Variants in PAM observed in about 807,000 individuals in gnomAD.
PAM encodes the protein peptidyl-glycine alpha-amidating monooxygenase.
In PAM, 72 loss-of-function variants were observed where a neutral mutation model predicts 122.1. That is an observed-to-expected ratio of 0.59 (90% CI 0.49 to 0.72). The LOEUF is 0.72. PAM is among the 30% of genes least tolerant of loss of function. The probability of loss-of-function intolerance (pLI) is 0.00; values close to 1 mark genes in which losing one functional copy is unlikely to be tolerated. For missense variants in PAM, 1,106 were observed against 1,183.7 expected, an observed-to-expected ratio of 0.93 and a Z score of 0.96; for synonymous variants, 389 against 404.4, an observed-to-expected ratio of 0.96 and a Z score of 0.46.
At position 102,924,939 on chromosome 5, in the gene PAM, A is replaced by T; in HGVS notation, c.357-18A>T. 1 of 1,242,850 alleles carries T rather than the reference A, an allele frequency of 8.0e-7. No homozygotes were observed. The highest frequency in any genetic ancestry group is 1.2e-6 in the Non-Finnish European group (1 of 840,894). 77.0% of individuals were successfully genotyped at this position (1,242,850 alleles called of 1,614,324 possible). A position where few individuals can be genotyped will look rare whatever the true frequency, so the allele number is the denominator to read the frequency against. ...CACTATTTAAATCTTCATTTATACT[A>T]CTTTTTATTTTCTTCAGGTTTTGTG... is the stretch of plus-strand genomic sequence containing the variant. On this transcript the variant is annotated intron_variant, in intron 5 of 25. Transcript: ENST00000438793.
At chr5:102,759,899 A>G (rs1438938059) in intron 1 of PAM, among the ~76,000 whole-genome samples, 1 of 152,162 alleles carries the variant, frequency 6.6e-6, no homozygotes, top group Non-Finnish European at 1.5e-5. Flanking sequence ...CAGTGGTGGA[A>G]GAAAGATAAC....
At chr5:102,979,508 T>G (rs1345197115) in intron 15 of PAM, among the ~76,000 whole-genome samples, 1 of 151,876 alleles carries the variant, frequency 6.6e-6, no homozygotes, top group Non-Finnish European at 1.5e-5. Context: ...GCACCATATT[T>G]TGTTTTTGTT....
At chr5:102,845,570 T>C (rs549830090) in intron 1 of PAM, among the ~76,000 whole-genome samples, 1 of 152,346 alleles carries the variant, frequency 6.6e-6, no homozygotes, top group Non-Finnish European at 1.5e-5. Flanking sequence ...TCCATTTTCA[T>C]TCATTTAAAT....
intron 5 of PAM, among the ~76,000 whole-genome samples, chr5:102,924,124 G>T (rs1403848906): frequency 1.3e-5 from 2 of 152,102 alleles, no homozygotes; most frequent in South Asian, 4.1e-4. Context: ...TGTCATGCAT[G>T]TATAAGATCA....
chr5:102,833,850 A>G (rs983292428), intron 1 of PAM, among the ~76,000 whole-genome samples: 8 of 152,114 alleles, frequency 5.3e-5, no homozygotes, highest in African/African-American at 1.9e-4. Flanking sequence ...GAGATCCTAC[A>G]TTGGGCTATT....
At chr5:102,970,639 G>A (rs1049640431) in intron 14 of PAM, among the ~76,000 whole-genome samples, 6 of 152,172 alleles carry the variant, frequency 3.9e-5, no homozygotes, top group Admixed American at 1.3e-4. Flanking sequence ...CAGAACAGTG[G>A]AGTAGAGAGA....
At chr5:102,797,248 T>A (rs1763606342) in intron 1 of PAM, among the ~76,000 whole-genome samples, 1 of 152,178 alleles carries the variant, frequency 6.6e-6, no homozygotes, top group South Asian at 2.1e-4. Context: ...ATTTTATGTA[T>A]CTTCTGTAAC....
rs1554134180 is a variant in PAM, at chr5:102,950,416, G to GGTGTGTGTGTGTGTGTGTGTGT, written c.802-298_802-277dup. Among the ~76,000 whole-genome samples the GGTGTGTGTGTGTGTGTGTGTGT allele has an allele frequency of 4.9e-3, 720 of 146,042 alleles. 10 individuals are homozygous for GGTGTGTGTGTGTGTGTGTGTGT. Among genetic ancestry groups the GGTGTGTGTGTGTGTGTGTGTGT allele is most frequent in the African/African-American group, 0.017 (668 of 38,990 alleles). On this transcript the variant is annotated intron_variant, in intron 11 of 25. Coordinates refer to ENST00000438793, the MANE Select transcript of PAM (RefSeq NM_001177306.2). ...CAGTGATTATTTGTGTATGTGGGTG[G>GGTGTGTGTGTGTGTGTGTGTGT]GTGTGTGTGTGTGTGTGTGTGTGTC...
chr5:102,887,555 G>A (rs1793525094), intron 3 of PAM, among the ~76,000 whole-genome samples: 2 of 152,066 alleles, frequency 1.3e-5, no homozygotes, highest in South Asian at 4.1e-4. Flanking sequence ...AGTAAAGCTT[G>A]ATTAGGCAGT....
In PAM at chr5:103,003,097, C is replaced by T. The variant is rs375869205; in HGVS notation, c.1678C>T (p.Leu560Phe). ...GLGPIEEDTI[L>F]VIDPNNAAVL... is the part of the protein sequence containing the mutation. ...CGGACCAATTGAAGAAGACACTATT[C>T]TTGTCATAGATCCAAATAATGCTGC... The change falls in exon 17 of 26, where the codon CTT becomes TTT. Residue 560 changes from leucine to phenylalanine, a missense_variant. This residue lies in a region of PAM where 670 missense variants were observed against 690.3 expected (regional missense o/e 0.97). Coordinates refer to ENST00000438793, the MANE Select transcript of PAM (RefSeq NM_001177306.2). The T allele has an allele frequency of 6.2e-7, 1 of 1,607,116 alleles. No individual in the cohort carries two copies. Among genetic ancestry groups the T allele is most frequent in the Non-Finnish European group, 8.5e-7 (1 of 1,173,792 alleles).
chr5:102,941,759 T>A (rs988456188), intron 7 of PAM, among the ~76,000 whole-genome samples: 1 of 149,110 alleles, frequency 6.7e-6, no homozygotes, highest in Admixed American at 6.8e-5. Context: ...AATTTTCTGG[T>A]TAATTTGGAT....
chr5:102,960,798 T>C (rs1762252456), intron 13 of PAM, among the ~76,000 whole-genome samples: 1 of 151,714 alleles, frequency 6.6e-6, no homozygotes, highest in African/African-American at 2.4e-5. Context: ...TCTACTATAT[T>C]TATAGAATAT....
chr5:102,948,947 A>T (rs768217654), intron 9 of PAM, among the ~76,000 whole-genome samples: 6 of 152,134 alleles, frequency 3.9e-5, no homozygotes, highest in Admixed American at 1.3e-4. Flanking sequence ...ATTATTATTT[A>T]TCAATATATT....
intron 1 of PAM, among the ~76,000 whole-genome samples, chr5:102,839,397 C>A (rs984795602): frequency 2.0e-5 from 3 of 151,784 alleles, no homozygotes; most frequent in Admixed American, 1.3e-4. Context: ...GTTGGCCAGG[C>A]GTGGTGGTAT....
At chr5:102,995,692 T>A (rs569696639) in intron 16 of PAM, among the ~76,000 whole-genome samples, 4 of 152,088 alleles carry the variant, frequency 2.6e-5, no homozygotes, top group Non-Finnish European at 5.9e-5. Flanking sequence ...TGATACCTAG[T>A]TCTTTTTTCT....
At position 103,029,028 on chromosome 5, in the gene PAM, C is replaced by T; in HGVS notation, c.2885C>T (p.Ser962Leu). Residue 962 changes from serine to leucine, a missense_variant, in exon 26 of 26, where the codon TCA (serine) becomes TTA (leucine). By Grantham distance (145) the Ser-to-Leu change is moderately radical. Transcript: ENST00000438793. Reference protein sequence around the residue: ...DDGSESEEEYSAPLPALAPSS... With the variant: ...DDGSESEEEYLAPLPALAPSS... Reference sequence around the variant, plus strand: ...GGAAGTGAATCAGAAGAGGAGTATTCAGCACCTCTGCCTGCGCTCGCACCT... The same window carrying T: ...GGAAGTGAATCAGAAGAGGAGTATTTAGCACCTCTGCCTGCGCTCGCACCT... The T allele has an allele frequency of 1.2e-6, 2 of 1,613,382 alleles. No individual in the cohort carries two copies. The highest frequency in any genetic ancestry group is 1.7e-6 in the Non-Finnish European group (2 of 1,179,644).
At chr5:102,906,999 T>A (rs1291649902) in intron 4 of PAM, among the ~76,000 whole-genome samples, 1 of 151,760 alleles carries the variant, frequency 6.6e-6, no homozygotes, top group Non-Finnish European at 1.5e-5. Context: ...AAAAGAGATA[T>A]CATCTAGAAA....
chr5:102,904,960 A>G (rs1182580761), intron 4 of PAM, among the ~76,000 whole-genome samples: 1 of 151,646 alleles, frequency 6.6e-6, no homozygotes, highest in East Asian at 1.9e-4. Context: ...AGCATATAGC[A>G]TGTGTGATGT....
intron 12 of PAM, among the ~76,000 whole-genome samples, chr5:102,953,840 C>T (rs955488784): frequency 6.6e-6 from 1 of 152,028 alleles, no homozygotes; most frequent in Non-Finnish European, 1.5e-5. Context: ...ATGGTGAAAC[C>T]CCATCTCTAC....
Sources: gnomAD v4.1 joint callset for allele counts (sites outside exome capture counted in the v4.1 genomes callset) on GRCh38, gnomAD v4.1.1 for gene constraint, gnomAD v4.1.1 regional missense constraint, MANE v1.5 for transcripts, NCBI Gene and HGNC (gene_info 2026-07-23, HGNC 2026-07-21) for gene names.